The following MPP7 variants were observed in gnomAD, a reference collection of about 807,000 sequenced individuals.
The protein encoded by MPP7 is MAGUK p55 scaffold protein 7.
MPP7 carries 60 observed loss-of-function variants against 76.5 expected under a neutral mutation model. That is an observed-to-expected ratio of 0.78 (90% confidence interval 0.64 to 0.97). The LOEUF (loss-of-function observed/expected upper bound fraction) is 0.97, where lower values mean the gene tolerates loss of function less well. Ranked by LOEUF, MPP7 falls within the 50% of genes least tolerant of loss-of-function variation. The pLI, the probability that MPP7 is intolerant of heterozygous loss-of-function variation, is 0.00. For missense variants in MPP7, 641 were observed against 694.0 expected, an observed-to-expected ratio of 0.92 and a Z score of 0.86; for synonymous variants, 237 against 244.5, an observed-to-expected ratio of 0.97 and a Z score of 0.29.
chr10:28,105,913 T>C (rs1308862252), intron 11 of MPP7, among the ~76,000 whole-genome samples: 1 of 152,196 alleles, frequency 6.6e-6, no homozygotes, highest in African/African-American at 2.4e-5. Flanking sequence ...TCTCAGTTTG[T>C]AGGTCTAACA....
intron 1 of MPP7, among the ~76,000 whole-genome samples, chr10:28,281,792 A>C (rs1840681306): frequency 6.6e-6 from 1 of 152,058 alleles, no homozygotes; most frequent in Non-Finnish European, 1.5e-5. Flanking sequence ...AACTTGTCTA[A>C]ATTCATAAAA....
At chr10:28,223,622 C>T (rs1466231923) in intron 2 of MPP7, among the ~76,000 whole-genome samples, 2 of 152,030 alleles carry the variant, frequency 1.3e-5, no homozygotes, top group Admixed American at 6.6e-5. Flanking sequence ...TTATATTGAG[C>T]CATACATTCT....
chr10:28,092,740 ATTTTTTTTT>A (rs536385197), intron 11 of MPP7, among the ~76,000 whole-genome samples: 1 of 105,520 alleles, frequency 9.5e-6, no homozygotes, highest in Non-Finnish European at 1.7e-5. Flanking sequence ...ACCTGGCTCA[ATTTTTTTTT>A]TTTTTTTTTT....
chr10:28,328,604 T>C (rs546013375), intron 2 of MPP7, among the ~76,000 whole-genome samples: 1 of 151,762 alleles, frequency 6.6e-6, no homozygotes, highest in Non-Finnish European at 1.5e-5. Flanking sequence ...AAAGTTTGTT[T>C]ACATTCCAAA....
chr10:28,267,239 G>A (rs1402871257), intron 1 of MPP7, among the ~76,000 whole-genome samples: 1 of 152,024 alleles, frequency 6.6e-6, no homozygotes, highest in Non-Finnish European at 1.5e-5. Flanking sequence ...ATTGCATCTG[G>A]CCTTTACAAA....
rs1021443888 is a variant in MPP7 at position 28,051,384 on chromosome 10, A to C, written c.*2681T>G. The C allele has an allele frequency of 2.6e-5, 4 of 152,248 alleles. No homozygotes were observed. The highest frequency in any genetic ancestry group is 4.4e-5 in the Non-Finnish European group (3 of 68,050). The allele number at this position is 152,248 out of a possible 1,614,324, so 9.4% of individuals were successfully genotyped here. A position where few individuals can be genotyped will look rare whatever the true frequency, so the allele number is the denominator to read the frequency against. The stretch of plus-strand genomic sequence containing the variant: ...TACCAGGAAGGTCAGCCTTAAAGAT[A>C]CCAAGAACTTCCATATTGGTCAGTA... On this transcript the variant is annotated 3_prime_UTR_variant, in exon 17 of 17. Transcript: ENST00000683449.
chr10:28,212,558 A>T (rs1838174535), intron 2 of MPP7, among the ~76,000 whole-genome samples: 9 of 152,184 alleles, frequency 5.9e-5, no homozygotes, highest in Admixed American at 5.9e-4. Context: ...AATCACTGGC[A>T]CATGATTTGT....
intron 5 of MPP7, among the ~76,000 whole-genome samples, chr10:28,143,855 CTGTGTGTG>C (rs60960005): frequency 0.44 from 58,961 of 134,348 alleles, 14,163 homozygotes; most frequent in Middle Eastern, 0.68. Context: ...CAATCGTGTG[CTGTGTGTG>C]TGTGTGTGTG....
chr10:28,088,266 T>C (rs1304349435), intron 12 of MPP7, among the ~76,000 whole-genome samples: 1 of 151,726 alleles, frequency 6.6e-6, no homozygotes, highest in African/African-American at 2.4e-5. Flanking sequence ...TTAACAAGAG[T>C]GATATGGTTT....
chr10:28,177,586 G>C (rs1178042099), intron 3 of MPP7, among the ~76,000 whole-genome samples: 1 of 152,106 alleles, frequency 6.6e-6, no homozygotes, highest in East Asian at 1.9e-4. Context: ...ATAAACCATA[G>C]CATAAGCGGT....
chr10:28,162,616 G>T (rs1439395322), intron 3 of MPP7, among the ~76,000 whole-genome samples: 1 of 152,162 alleles, frequency 6.6e-6, no homozygotes, highest in Non-Finnish European at 1.5e-5. Context: ...TTGTTCAATA[G>T]TCATCTACTA....
intron 3 of MPP7, among the ~76,000 whole-genome samples, chr10:28,185,068 C>T (rs1050199083): frequency 8.8e-5 from 13 of 147,320 alleles, no homozygotes; most frequent in African/African-American, 2.7e-4. Context: ...GTGGTTTATG[C>T]CTGTAATCCC....
At chr10:28,268,892 C>A (rs1840231735) in intron 1 of MPP7, among the ~76,000 whole-genome samples, 1 of 151,810 alleles carries the variant, frequency 6.6e-6, no homozygotes, top group Admixed American at 6.6e-5. Context: ...GCACTCCAGC[C>A]TGGGCAACAG....
At chr10:28,299,928 G>C (rs539947160) in intron 1 of MPP7, among the ~76,000 whole-genome samples, 1 of 151,794 alleles carries the variant, frequency 6.6e-6, no homozygotes. Flanking sequence ...CACCACGCCC[G>C]GCTAATTTTT....
At chr10:28,271,200 T>C (rs1365735885) in intron 1 of MPP7, among the ~76,000 whole-genome samples, 1 of 152,222 alleles carries the variant, frequency 6.6e-6, no homozygotes, top group Non-Finnish European at 1.5e-5. Context: ...CCTATCTTTT[T>C]GGAAGGAGCA....
At chr10:28,118,505 T>G (rs1322899768) in intron 11 of MPP7, 4 of 985,232 alleles carry the variant, frequency 4.1e-6, no homozygotes, top group Non-Finnish European at 4.8e-6. Flanking sequence ...AAAAATCCCT[T>G]TGAGAGCCAG....
At chr10:28,321,768 T>A (rs1025095432) in intron 2 of MPP7, among the ~76,000 whole-genome samples, 3 of 152,014 alleles carry the variant, frequency 2.0e-5, no homozygotes, top group African/African-American at 7.2e-5. Flanking sequence ...TATTTTTTAG[T>A]AGAGACAGGG....
chr10:28,230,669 T>C (rs11006933), intron 2 of MPP7, among the ~76,000 whole-genome samples: 12,142 of 151,804 alleles, frequency 0.08, 1,019 homozygotes, highest in East Asian at 0.41. Context: ...TACAAAAAAT[T>C]AGCTGGCATG....
intron 11 of MPP7, among the ~76,000 whole-genome samples, chr10:28,109,290 A>AAACAAC (rs913501125): frequency 6.6e-6 from 1 of 152,198 alleles, no homozygotes; most frequent in South Asian, 2.1e-4. Flanking sequence ...TCCATCTCAA[A>AAACAAC]AACAACAACA....
Sources: allele counts gnomAD v4.1 joint callset (sites outside exome capture counted in the v4.1 genomes callset), GRCh38; gene constraint gnomAD v4.1.1; transcripts MANE v1.5; gene names NCBI Gene and HGNC (gene_info 2026-07-23, HGNC 2026-07-21).